The following SAMD5 variants were observed in gnomAD, a reference collection of about 807,000 sequenced individuals.
The protein encoded by SAMD5 is sterile alpha motif domain containing 5.
In SAMD5, 13 loss-of-function variants were observed where a neutral mutation model predicts 11.3. That is an observed-to-expected ratio of 1.15 (90% CI 0.75 to 1.83). The LOEUF is 1.83. Ranked by LOEUF, SAMD5 falls within the 40% of genes most tolerant of loss-of-function variation. The pLI, the probability that SAMD5 is intolerant of heterozygous loss-of-function variation, is 0.00. For synonymous variants in SAMD5, 129 were observed against 111.3 expected, an observed-to-expected ratio of 1.16 and a Z score of -1.00; for missense variants, 255 against 239.1, an observed-to-expected ratio of 1.07 and a Z score of -0.44.
chr6:147,753,212 G>A, the SAMD5 span, among the ~76,000 whole-genome samples: 5 of 152,146 alleles, frequency 3.3e-5, no homozygotes, highest in African/African-American at 1.2e-4. Flanking sequence ...GCATTCACTG[G>A]GAAGTGCAGA....
At chr6:147,794,146 T>C in the SAMD5 span, among the ~76,000 whole-genome samples, 1 of 152,294 alleles carries the variant, frequency 6.6e-6, no homozygotes, top group South Asian at 2.1e-4. Context: ...ATAGCACTTA[T>C]TTGAATGAAT....
chr6:147,624,549 G>A (rs1790022606), intron 1 of SAMD5, among the ~76,000 whole-genome samples: 2 of 152,236 alleles, frequency 1.3e-5, no homozygotes, highest in Non-Finnish European at 1.5e-5. Context: ...CCAGGTTGCT[G>A]AGAATGCCAT....
chr6:147,557,420 G>A (rs192078449), intron 1 of SAMD5, among the ~76,000 whole-genome samples: 2 of 152,228 alleles, frequency 1.3e-5, no homozygotes, highest in Admixed American at 6.5e-5. Context: ...TGAAATCAAC[G>A]TGTCAGCAAG....
chr6:147,514,583 T>C (rs1788136468), intron 1 of SAMD5, among the ~76,000 whole-genome samples: 2 of 152,202 alleles, frequency 1.3e-5, no homozygotes, highest in Non-Finnish European at 2.9e-5. Flanking sequence ...TCATCATGTC[T>C]AGCAGTGCTT....
chr6:147,870,981 G>A, the SAMD5 span, among the ~76,000 whole-genome samples: 2 of 152,108 alleles, frequency 1.3e-5, no homozygotes, highest in African/African-American at 4.8e-5. Flanking sequence ...GGGATTAGGG[G>A]TAGCTTTGGA....
At chr6:147,530,355 A>G (rs1288533199) in intron 1 of SAMD5, among the ~76,000 whole-genome samples, 1 of 152,258 alleles carries the variant, frequency 6.6e-6, no homozygotes, top group Non-Finnish European at 1.5e-5. Flanking sequence ...TTACTTGTCA[A>G]GATTTACCTC....
intron 1 of SAMD5, among the ~76,000 whole-genome samples, chr6:147,722,684 A>G (rs1270507779): frequency 6.6e-6 from 1 of 152,230 alleles, no homozygotes; most frequent in African/African-American, 2.4e-5. Context: ...AATGAAGACA[A>G]AGGCTTGTTT....
chr6:147,858,214 C>G, the SAMD5 span, among the ~76,000 whole-genome samples: 1 of 152,068 alleles, frequency 6.6e-6, no homozygotes, highest in Non-Finnish European at 1.5e-5. Context: ...TGAACCCGAT[C>G]GCTGTTGCCT....
chr6:147,611,892 G>A (rs1789792611), intron 1 of SAMD5, among the ~76,000 whole-genome samples: 2 of 152,284 alleles, frequency 1.3e-5, no homozygotes, highest in Middle Eastern at 3.4e-3. Flanking sequence ...AAGGACAATT[G>A]TCATTGGGCT....
intron 1 of SAMD5, among the ~76,000 whole-genome samples, chr6:147,719,837 A>G (rs897040030): frequency 6.6e-6 from 1 of 152,210 alleles, no homozygotes; most frequent in African/African-American, 2.4e-5. Context: ...CTAATCCTTC[A>G]TATAACTATG....
the SAMD5 span, among the ~76,000 whole-genome samples, chr6:147,930,197 T>A: frequency 6.6e-6 from 1 of 152,254 alleles, no homozygotes; most frequent in Middle Eastern, 3.4e-3. Context: ...AAGTTCCTCA[T>A]TTCCATCTGA....
downstream of SAMD5, among the ~76,000 whole-genome samples, chr6:147,572,077 G>A (rs1370926011): frequency 6.6e-6 from 1 of 151,860 alleles, no homozygotes; most frequent in Non-Finnish European, 1.5e-5. Context: ...CTCGTTCCTA[G>A]TGTATTATCT....
the SAMD5 span, among the ~76,000 whole-genome samples, chr6:147,933,159 A>G: frequency 6.6e-6 from 1 of 152,162 alleles, no homozygotes; most frequent in East Asian, 1.9e-4. Context: ...ATCATCCAGG[A>G]TAGGAGATTT....
intron 1 of SAMD5, chr6:147,729,752 G>A (rs73016165): frequency 0.027 from 12,527 of 456,906 alleles, 243 homozygotes; most frequent in Non-Finnish European, 0.034. Flanking sequence ...TTAGGCAGTG[G>A]CAAAGGTTCT....
the SAMD5 span, among the ~76,000 whole-genome samples, chr6:147,938,301 TG>T: frequency 6.6e-6 from 1 of 151,964 alleles, no homozygotes; most frequent in African/African-American, 2.4e-5. Flanking sequence ...AACTCATTAC[TG>T]ACAACAGTAC....
At chr6:147,769,916 A>C in the SAMD5 span, among the ~76,000 whole-genome samples, 46 of 152,338 alleles carry the variant, frequency 3.0e-4, no homozygotes, top group African/African-American at 1.1e-3. Flanking sequence ...CAGAGTGTGC[A>C]TGAATCCAGT....
chr6:147,878,545 G>T, the SAMD5 span, among the ~76,000 whole-genome samples: 1 of 144,772 alleles, frequency 6.9e-6, no homozygotes, highest in Non-Finnish European at 1.5e-5. Flanking sequence ...AGAGAAATAG[G>T]AACTATATAA....
chr6:147,940,827 TG>T, the SAMD5 span, among the ~76,000 whole-genome samples: 5 of 152,138 alleles, frequency 3.3e-5, no homozygotes, highest in African/African-American at 1.2e-4. Flanking sequence ...CCGGGCATGA[TG>T]GTGCATGCCT....
chr6:147,732,384 C>A (rs1207262066), intron 1 of SAMD5, among the ~76,000 whole-genome samples: 1 of 152,094 alleles, frequency 6.6e-6, no homozygotes, highest in Non-Finnish European at 1.5e-5. Context: ...GCTAATAATT[C>A]TCTAATTTAA....
Sources: gnomAD v4.1 joint callset for allele counts (sites outside exome capture counted in the v4.1 genomes callset) on GRCh38, gnomAD v4.1.1 for gene constraint, MANE v1.5 for transcripts, NCBI Gene and HGNC (gene_info 2026-07-23, HGNC 2026-07-21) for gene names.